Variants in GRID1 observed in about 807,000 individuals in gnomAD.
GRID1 encodes glutamate ionotropic receptor delta type subunit 1.
A neutral mutation model predicts 98.0 loss-of-function variants in GRID1; 28 were observed. The observed-to-expected ratio is 0.29, with a 90% confidence interval of 0.21 to 0.39. The LOEUF is 0.39. GRID1 is among the 10% of genes least tolerant of loss of function. The pLI is 1.00. For missense variants in GRID1, 1,111 were observed against 1,340.5 expected (o/e 0.83, Z 2.67); for synonymous variants, 553 against 538.5 (o/e 1.03, Z -0.37).
At chr10:85,616,245 G>T (rs1361819075) in intron 14 of GRID1, among the ~76,000 whole-genome samples, 1 of 152,328 alleles carries the variant, frequency 6.6e-6, no homozygotes, top group South Asian at 2.1e-4. Flanking sequence ...CCTGCAAAGT[G>T]GTTCTTATTA....
intron 4 of GRID1, among the ~76,000 whole-genome samples, chr10:86,106,209 C>CA (rs926259151): frequency 1.3e-5 from 2 of 150,518 alleles, no homozygotes; most frequent in African/African-American, 2.4e-5. Context: ...TGAACACCGT[C>CA]AAAAAAAAAT....
chr10:86,288,838 G>A (rs2132073760), intron 2 of GRID1, among the ~76,000 whole-genome samples: 1 of 152,320 alleles, frequency 6.6e-6, no homozygotes, highest in Non-Finnish European at 1.5e-5. Flanking sequence ...AACACAGCAG[G>A]CAGCGCAGGC....
At chr10:86,139,750 C>T (rs561089071) in intron 3 of GRID1, among the ~76,000 whole-genome samples, 7 of 152,322 alleles carry the variant, frequency 4.6e-5, no homozygotes, top group African/African-American at 1.4e-4. Context: ...CATCCTGGCA[C>T]GTTGGTGATC....
At chr10:85,758,613 G>A (rs1842120160) in intron 8 of GRID1, among the ~76,000 whole-genome samples, 1 of 152,180 alleles carries the variant, frequency 6.6e-6, no homozygotes, top group African/African-American at 2.4e-5. Context: ...CTCACCATCA[G>A]TTCTACCATA....
At chr10:86,198,330 C>T (rs1845904382) in intron 3 of GRID1, among the ~76,000 whole-genome samples, 1 of 151,956 alleles carries the variant, frequency 6.6e-6, no homozygotes, top group Admixed American at 6.6e-5. Context: ...AAGAGCTGAC[C>T]CCCAAGCTCT....
intron 4 of GRID1, among the ~76,000 whole-genome samples, chr10:85,964,755 C>G (rs529807670): frequency 3.2e-4 from 49 of 152,182 alleles, no homozygotes; most frequent in African/African-American, 1.2e-3. Flanking sequence ...TCTAAAATAC[C>G]AAAAGCAATG....
At chr10:85,842,529 A>G (rs532236127) in intron 8 of GRID1, among the ~76,000 whole-genome samples, 2 of 152,124 alleles carry the variant, frequency 1.3e-5, no homozygotes, top group Non-Finnish European at 2.9e-5. Context: ...AAATAATAAT[A>G]AAGAAAAGAC....
At chr10:85,811,613 G>T (rs1842672407) in intron 8 of GRID1, among the ~76,000 whole-genome samples, 1 of 151,892 alleles carries the variant, frequency 6.6e-6, no homozygotes, top group South Asian at 2.1e-4. Context: ...GCAAAAGAAA[G>T]AATTTCTAAA....
intron 2 of GRID1, among the ~76,000 whole-genome samples, chr10:86,336,625 G>C (rs1047896785): frequency 3.3e-5 from 5 of 152,202 alleles, no homozygotes; most frequent in African/African-American, 1.2e-4. Flanking sequence ...TCCCCACCCA[G>C]TAGGCTCCAG....
chr10:86,010,614 T>G (rs1233291384), intron 4 of GRID1, among the ~76,000 whole-genome samples: 1 of 151,362 alleles, frequency 6.6e-6, no homozygotes, highest in East Asian at 1.9e-4. Flanking sequence ...AGCTCAGGAG[T>G]TGGAGACAGG....
At chr10:85,913,124 A>G (rs1841564223) in intron 5 of GRID1, among the ~76,000 whole-genome samples, 1 of 152,182 alleles carries the variant, frequency 6.6e-6, no homozygotes, top group Non-Finnish European at 1.5e-5. Flanking sequence ...ACCTTCTGAT[A>G]GAAGACTTCA....
At chr10:86,145,547 T>TACACACACACACACATACACACACAC (rs920900306) in intron 3 of GRID1, among the ~76,000 whole-genome samples, 65 of 145,706 alleles carry the variant, frequency 4.5e-4, no homozygotes, top group Middle Eastern at 3.5e-3. Context: ...ATCCTCCACA[T>TACACACACACACACATACACACACAC]ACACACACAC....
chr10:85,927,419 G>A (rs1841789533), intron 4 of GRID1, among the ~76,000 whole-genome samples: 1 of 152,072 alleles, frequency 6.6e-6, no homozygotes, highest in Non-Finnish European at 1.5e-5. Flanking sequence ...CTTCTGCCAG[G>A]CAGCAGAGCC....
At chr10:86,176,137 C>T (rs958951958) in intron 3 of GRID1, among the ~76,000 whole-genome samples, 7 of 152,252 alleles carry the variant, frequency 4.6e-5, no homozygotes, top group Non-Finnish European at 8.8e-5. Context: ...GCTGCTGCGC[C>T]CAGCCAGAAT....
chr10:85,892,656 G>T (rs1055902677), intron 5 of GRID1, among the ~76,000 whole-genome samples: 1 of 151,588 alleles, frequency 6.6e-6, no homozygotes, highest in African/African-American at 2.4e-5. Flanking sequence ...AGGAAAAAAA[G>T]ATAATCTAAA....
At chr10:85,978,398 T>A (rs1028912312) in intron 4 of GRID1, among the ~76,000 whole-genome samples, 4 of 152,206 alleles carry the variant, frequency 2.6e-5, no homozygotes, top group Non-Finnish European at 4.4e-5. Context: ...TTTAATCAAC[T>A]GGTACAACAT....
chr10:85,975,389 G>A (rs573463825), intron 4 of GRID1, among the ~76,000 whole-genome samples: 4 of 152,328 alleles, frequency 2.6e-5, no homozygotes, highest in Non-Finnish European at 5.9e-5. Flanking sequence ...AGCCTGTCAC[G>A]AGGCTACTCT....
In GRID1 at chr10:86,018,640, G is replaced by A. The variant is rs116754376; in HGVS notation, c.727-102401C>T. Among the ~76,000 whole-genome samples the A allele has an allele frequency of 7.9e-3, 1,204 of 152,272 alleles. 21 individuals are homozygous for A. The highest frequency in any genetic ancestry group is 0.028 in the African/African-American group (1,166 of 41,556). On this transcript the variant is annotated intron_variant, in intron 4 of 15. Coordinates refer to ENST00000327946, the MANE Select transcript of GRID1 (RefSeq NM_017551.3). ...TGTTTCTTCCAAACCTCCTGTGAGT[G>A]CCTCTGGAGACTACCAGCCCTAAAC...
chr10:85,915,485 T>A (rs1249296321), intron 5 of GRID1, among the ~76,000 whole-genome samples: 2 of 151,400 alleles, frequency 1.3e-5, no homozygotes, highest in African/African-American at 4.9e-5. Context: ...ACACACATAT[T>A]CACACATACA....
Sources: allele counts gnomAD v4.1 joint callset (sites outside exome capture counted in the v4.1 genomes callset), GRCh38; gene constraint gnomAD v4.1.1; transcripts MANE v1.5; gene names NCBI Gene and HGNC (gene_info 2026-07-23, HGNC 2026-07-21).